The following EXOC6B variants were observed in gnomAD, a reference collection of about 807,000 sequenced individuals.
The protein encoded by EXOC6B is exocyst complex component 6B, also known as SEC15 homolog B.
Under a neutral mutation model 113.5 loss-of-function variants are expected in EXOC6B, and 54 were observed. That is an observed-to-expected ratio of 0.48 (90% CI 0.38 to 0.60). EXOC6B has a LOEUF of 0.60. EXOC6B is among the 20% of genes least tolerant of loss of function. The pLI, the probability that EXOC6B is intolerant of heterozygous loss-of-function variation, is 0.00. For synonymous variants in EXOC6B, 357 were observed against 339.0 expected, an observed-to-expected ratio of 1.05 and a Z score of -0.58; for missense variants, 797 against 977.5, an observed-to-expected ratio of 0.82 and a Z score of 2.46.
chr2:72,728,383 A>C (rs1680434998), intron 5 of EXOC6B, among the ~76,000 whole-genome samples: 1 of 152,194 alleles, frequency 6.6e-6, no homozygotes, highest in South Asian at 2.1e-4. Flanking sequence ...CACTCTCAAG[A>C]AATTTTGAAT....
chr2:72,455,385 G>A (rs1697163478), intron 18 of EXOC6B, among the ~76,000 whole-genome samples: 1 of 152,118 alleles, frequency 6.6e-6, no homozygotes, highest in Admixed American at 6.5e-5. Flanking sequence ...CCCGTTCCGG[G>A]AATTGTTCTG....
intron 20 of EXOC6B, among the ~76,000 whole-genome samples, chr2:72,299,152 G>C (rs1334388775): frequency 6.6e-6 from 1 of 151,946 alleles, no homozygotes; most frequent in Non-Finnish European, 1.5e-5. Context: ...TTTTCACATA[G>C]TCCAATATTT....
intron 20 of EXOC6B, among the ~76,000 whole-genome samples, chr2:72,250,434 A>G (rs1396636524): frequency 6.6e-6 from 1 of 151,938 alleles, no homozygotes; most frequent in Non-Finnish European, 1.5e-5. Flanking sequence ...CTTCTGCCTC[A>G]TGAGCTCAAG....
intron 19 of EXOC6B, among the ~76,000 whole-genome samples, chr2:72,351,925 A>G (rs189963193): frequency 1.3e-5 from 2 of 152,252 alleles, no homozygotes; most frequent in South Asian, 2.1e-4. Context: ...ATTTCACCCT[A>G]TTCTTTAGTC....
chr2:72,390,579 G>A (rs562709832), intron 18 of EXOC6B, among the ~76,000 whole-genome samples: 11 of 152,230 alleles, frequency 7.2e-5, no homozygotes, highest in South Asian at 2.1e-4. Context: ...AGTTACTCCC[G>A]GATCAGTGTG....
chr2:72,734,693 T>C (rs1023397898), intron 2 of EXOC6B, among the ~76,000 whole-genome samples: 1 of 152,194 alleles, frequency 6.6e-6, no homozygotes, highest in Non-Finnish European at 1.5e-5. Flanking sequence ...TGGTCTAGAA[T>C]AAACGTGATG....
chr2:72,575,418 A>G, intron 7 of EXOC6B, 74 bp downstream of exon 7: 1 of 1,356,398 alleles, frequency 7.4e-7, no homozygotes, highest in Non-Finnish European at 1.0e-6. Flanking sequence ...ATATGGATAA[A>G]CTCTTCATCA....
chr2:72,751,985 G>A lies in EXOC6B; in HGVS notation c.114-10516C>T, dbSNP rs111297372. On this transcript the variant is annotated intron_variant, in intron 1 of 21. Coordinates refer to ENST00000272427, the MANE Select transcript of EXOC6B (RefSeq NM_015189.3). ...CCCTTCTCTTCATAGCTAAACTTTG[G>A]TAGCATGCAGAAGCTTGCTATGATG... Among the ~76,000 whole-genome samples, 164 of 152,116 alleles carry A rather than the reference G, an allele frequency of 1.1e-3. 1 individual carries two copies. The highest frequency in any genetic ancestry group is 6.8e-3 in the Middle Eastern group (2 of 294).
chr2:72,619,054 A>G (rs1013641477), intron 6 of EXOC6B, among the ~76,000 whole-genome samples: 2 of 152,228 alleles, frequency 1.3e-5, no homozygotes, highest in Admixed American at 1.3e-4. Flanking sequence ...GAAAGCCAAC[A>G]GAAAAGCTGT....
intron 6 of EXOC6B, among the ~76,000 whole-genome samples, chr2:72,676,136 A>ACT (rs1676288351): frequency 6.6e-6 from 1 of 151,974 alleles, no homozygotes; most frequent in Non-Finnish European, 1.5e-5. Flanking sequence ...TAAAAAAAAA[A>ACT]AAAAAGAAGA....
At chr2:72,427,584 A>G (rs1387636568) in intron 18 of EXOC6B, among the ~76,000 whole-genome samples, 1 of 152,158 alleles carries the variant, frequency 6.6e-6, no homozygotes, top group Non-Finnish European at 1.5e-5. Flanking sequence ...CTGGACTTTG[A>G]ACACCAACAA....
At chr2:72,653,971 T>TTTA (rs1491122647) in intron 6 of EXOC6B, among the ~76,000 whole-genome samples, 165 of 1,894 alleles carry the variant, frequency 0.087, no homozygotes, top group Admixed American at 0.12. Context: ...ATTTTATTTA[T>TTTA]TTTTTTTTTT....
At chr2:72,651,914 A>G (rs193162409) in intron 6 of EXOC6B, among the ~76,000 whole-genome samples, 10 of 152,286 alleles carry the variant, frequency 6.6e-5, no homozygotes, top group Non-Finnish European at 1.3e-4. Context: ...TTAGACATCC[A>G]TTCGATTGAA....
intron 20 of EXOC6B, among the ~76,000 whole-genome samples, chr2:72,285,721 T>C (rs1309677666): frequency 6.6e-6 from 1 of 151,586 alleles, no homozygotes; most frequent in African/African-American, 2.4e-5. Flanking sequence ...TGGGAGAAAA[T>C]ATTTGCAAAA....
At chr2:72,682,105 A>T (rs1676750740) in intron 6 of EXOC6B, among the ~76,000 whole-genome samples, 1 of 151,970 alleles carries the variant, frequency 6.6e-6, no homozygotes, top group South Asian at 2.1e-4. Flanking sequence ...CAAAGTCTTG[A>T]CCAGAGTTCC....
At chr2:72,251,072 C>T (rs1682987252) in intron 20 of EXOC6B, among the ~76,000 whole-genome samples, 1 of 119,418 alleles carries the variant, frequency 8.4e-6, no homozygotes, top group Admixed American at 9.1e-5. Context: ...ACGTAATCTG[C>T]CCCCCTTGGC....
At chr2:72,533,596 A>G (rs553262122) in intron 8 of EXOC6B, among the ~76,000 whole-genome samples, 2 of 152,338 alleles carry the variant, frequency 1.3e-5, no homozygotes, top group East Asian at 1.9e-4. Context: ...TGTGGTTTAT[A>G]TGACTGTCTT....
intron 18 of EXOC6B, among the ~76,000 whole-genome samples, chr2:72,423,754 CACAT>C (rs374529614): frequency 1.6e-4 from 25 of 152,206 alleles, no homozygotes; most frequent in Middle Eastern, 3.4e-3. Flanking sequence ...TACACGTGCA[CACAT>C]ACATACACAC....
intron 19 of EXOC6B, among the ~76,000 whole-genome samples, chr2:72,343,299 C>A (rs1689142343): frequency 6.6e-6 from 1 of 152,080 alleles, no homozygotes; most frequent in South Asian, 2.1e-4. Flanking sequence ...TGGTGACACA[C>A]ACCTCTAGTT....
Sources: allele counts gnomAD v4.1 joint callset (sites outside exome capture counted in the v4.1 genomes callset), GRCh38; gene constraint gnomAD v4.1.1; transcripts MANE v1.5; gene names NCBI Gene and HGNC (gene_info 2026-07-23, HGNC 2026-07-21).